AACS: variants seen among roughly 807,000 people sequenced by gnomAD.
The protein encoded by AACS is acetoacetate-CoA ligase.
AACS carries 69 observed loss-of-function variants against 83.1 expected under a neutral mutation model. That is an observed-to-expected ratio of 0.83 (90% CI 0.68 to 1.01). AACS has a LOEUF of 1.01. Ranked by LOEUF, AACS falls within the 50% of genes least tolerant of loss-of-function variation. The pLI is 0.00. For synonymous variants in AACS, 333 were observed against 343.4 expected (o/e 0.97, Z 0.33); for missense variants, 866 against 882.2 (o/e 0.98, Z 0.23).
Position 125,103,987 on chromosome 12 carries a change from CAAAAAAAAAAAAAA to C in AACS, c.767+925_767+938del, listed in dbSNP as rs71092274. Among the ~76,000 whole-genome samples, 43 of 41,230 alleles carry C rather than the reference CAAAAAAAAAAAAAA, an allele frequency of 1.0e-3. 1 individual carries two copies. The highest frequency in any genetic ancestry group is 3.1e-3 in the East Asian group (4 of 1,286). The allele number at this position is 41,230 out of a possible 152,430, so 27.0% of individuals were successfully genotyped here. On this transcript the variant is annotated intron_variant, in intron 7 of 17. Transcript: ENST00000316519. ...TGGGCAAAAAAGCGAAACTCCGTCT[CAAAAAAAAAAAAAA>C]AAAAAAAAAAAAAAAAAAGAATCTT... is the stretch of plus-strand genomic sequence containing the variant.
Position 125,140,502 on chromosome 12 carries a change from A to C in AACS, c.1882-1590A>C, listed in dbSNP as rs911233256. The C allele has an allele frequency of 6.6e-6, 1 of 152,186 alleles. No individual in the cohort carries two copies. Among genetic ancestry groups the C allele is most frequent in the Non-Finnish European group, 1.5e-5 (1 of 68,032 alleles). The allele number at this position is 152,186 out of a possible 1,614,324, so 9.4% of individuals were successfully genotyped here. A position where few individuals can be genotyped will look rare whatever the true frequency, so the allele number is the denominator to read the frequency against. Reference sequence around the variant, plus strand: ...ATCTCACAGCGGGAGGGCCGGCGACATCACATGAAGTGACAGGCAGGCCCT... The same window carrying C: ...ATCTCACAGCGGGAGGGCCGGCGACCTCACATGAAGTGACAGGCAGGCCCT... On this transcript the variant is annotated intron_variant, in intron 17 of 17. Transcript: ENST00000316519. The surrounding 1 kb of genome is among the most constrained non-coding windows in gnomAD (Gnocchi z 5.1).
At chr12:125,114,315 G>C in intron 8 of AACS, 162 bp from the exon 9 acceptor site, 1 of 564,830 alleles carries the variant, frequency 1.8e-6, no homozygotes, top group South Asian at 2.2e-5. Context: ...CATCACAGGG[G>C]AGTGGGGGGA....
At chr12:125,102,111 C>T (rs564283854) in intron 5 of AACS, 1 of 151,860 alleles carries the variant, frequency 6.6e-6, no homozygotes, top group African/African-American at 2.4e-5. Flanking sequence ...GCTCGGTTGC[C>T]CAGGCTGGAG....
At chr12:125,137,843 G>A (rs1957422018) in intron 17 of AACS, among the ~76,000 whole-genome samples, 1 of 152,324 alleles carries the variant, frequency 6.6e-6, no homozygotes, top group East Asian at 1.9e-4. Flanking sequence ...GAAGATGGGA[G>A]CACACACTCA....
At chr12:125,082,298 A>T (rs1956210274) in intron 3 of AACS, among the ~76,000 whole-genome samples, 1 of 151,496 alleles carries the variant, frequency 6.6e-6, no homozygotes, top group African/African-American at 2.4e-5. Context: ...CAGCCTCCCA[A>T]GTAACTGGGA....
At chr12:125,069,423 A>G (rs548999124) in intron 1 of AACS, among the ~76,000 whole-genome samples, 16 of 152,336 alleles carry the variant, frequency 1.1e-4, no homozygotes, top group Non-Finnish European at 2.2e-4. Flanking sequence ...AGGCTCTGGT[A>G]GGGTTACCCA....
chr12:125,116,475 A>G (rs1462084983), intron 9 of AACS, among the ~76,000 whole-genome samples: 4 of 151,684 alleles, frequency 2.6e-5, no homozygotes, highest in Admixed American at 1.3e-4. Context: ...TTATTGTTTT[A>G]TTTTTTGAGA....
At chr12:125,075,063 C>T (rs1368740337) in intron 2 of AACS, among the ~76,000 whole-genome samples, 1 of 146,356 alleles carries the variant, frequency 6.8e-6, no homozygotes, top group Non-Finnish European at 1.5e-5. Context: ...CAACCTTCAA[C>T]TCCCTGGTTC....
chr12:125,141,967 C>A, intron 17 of AACS, 125 bp from the exon 18 acceptor site: 1 of 1,223,906 alleles, frequency 8.2e-7, no homozygotes, highest in Non-Finnish European at 1.2e-6. Context: ...CATCTTAGAG[C>A]CGAGACCCAT....
At chr12:125,125,331 G>C (rs1202077352) in intron 12 of AACS, among the ~76,000 whole-genome samples, 1 of 152,206 alleles carries the variant, frequency 6.6e-6, no homozygotes, top group East Asian at 1.9e-4. Flanking sequence ...TTGCAAAAGA[G>C]AAAATGCAGT....
chr12:125,128,991 C>T (rs1474722189), intron 13 of AACS: 6 of 172,550 alleles, frequency 3.5e-5, no homozygotes, highest in South Asian at 3.2e-4. Flanking sequence ...CAGGAAGATG[C>T]GGGACACATA....
chr12:125,089,161 C>A (rs1956405430), intron 4 of AACS, among the ~76,000 whole-genome samples: 1 of 152,218 alleles, frequency 6.6e-6, no homozygotes, highest in South Asian at 2.1e-4. Context: ...TCAGTTTACG[C>A]TCATAGCCAA....
chr12:125,065,867 A>G (rs1245333307), intron 1 of AACS, 150 bp downstream of exon 1: 2 of 1,226,696 alleles, frequency 1.6e-6, no homozygotes, highest in Non-Finnish European at 2.2e-6. Flanking sequence ...GGTTCCCCCC[A>G]GTCTTGGGGA....
At chr12:125,138,267 C>A (rs1440838959) in intron 17 of AACS, 1 of 152,250 alleles carries the variant, frequency 6.6e-6, no homozygotes, top group African/African-American at 2.4e-5. Flanking sequence ...CACACGTTTC[C>A]TTTGTGTTCT....
chr12:125,087,337 G>A (rs1479754889), intron 4 of AACS, among the ~76,000 whole-genome samples: 2 of 152,236 alleles, frequency 1.3e-5, no homozygotes, highest in African/African-American at 4.8e-5. Context: ...TTCCCACGAA[G>A]AACTGCTTAG....
intron 5 of AACS, chr12:125,100,896 TA>T (rs1050097332): frequency 6.6e-6 from 1 of 152,256 alleles, no homozygotes; most frequent in Non-Finnish European, 1.5e-5. Flanking sequence ...CCTGACCCGT[TA>T]ATTAGTTATC....
At chr12:125,107,048 C>T (rs780177050) in intron 7 of AACS, 73 bp from the exon 8 acceptor site, 226 of 1,592,580 alleles carry the variant, frequency 1.4e-4, no homozygotes, top group Non-Finnish European at 1.7e-4. Context: ...GGGAAGTGCA[C>T]GGGTGGAATC....
intron 1 of AACS, 114 bp downstream of exon 1, chr12:125,065,831 A>G: frequency 2.2e-6 from 3 of 1,369,778 alleles, no homozygotes; most frequent in Non-Finnish European, 2.8e-6. Flanking sequence ...GAGCCACTTG[A>G]TGGCGGGGAG....
At chr12:125,106,817 C>T (rs1956843288) in intron 7 of AACS, among the ~76,000 whole-genome samples, 1 of 152,232 alleles carries the variant, frequency 6.6e-6, no homozygotes, top group African/African-American at 2.4e-5. Context: ...AGTGATCCTT[C>T]TCCGTGGTGG....
Sources: allele counts gnomAD v4.1 joint callset (sites outside exome capture counted in the v4.1 genomes callset), GRCh38; gene constraint gnomAD v4.1.1; non-coding constraint Gnocchi (gnomAD v3.1); transcripts MANE v1.5; gene names NCBI Gene and HGNC (gene_info 2026-07-23, HGNC 2026-07-21).